DMD: variants seen among roughly 807,000 people sequenced by gnomAD.
The protein encoded by DMD is mutant dystrophin.
Under a neutral mutation model 330.1 loss-of-function variants are expected in DMD, and 63 were observed. That is an observed-to-expected ratio of 0.19 (90% CI 0.16 to 0.24). DMD has a LOEUF of 0.24. Ranked by LOEUF, DMD falls within the 10% of genes least tolerant of loss-of-function variation. The probability of loss-of-function intolerance (pLI) is 1.00; values close to 1 mark genes in which losing one functional copy is unlikely to be tolerated. For missense variants in DMD, 3,344 were observed against 2,684.1 expected (o/e 1.25, Z -5.43); for synonymous variants, 1,223 against 959.8 (o/e 1.27, Z -5.07).
intron 2 of DMD, among the ~76,000 whole-genome samples, chrX:32,918,560 A>G (rs1252720757): frequency 9.0e-6 from 1 of 111,140 alleles, no homozygotes; most frequent in Admixed American, 9.7e-5. Flanking sequence ...CATGTTGTCC[A>G]GGCTGGTCTC....
chrX:32,826,329 G>T (rs2078690154), intron 4 of DMD, among the ~76,000 whole-genome samples: 1 of 111,826 alleles, frequency 8.9e-6, no homozygotes, highest in Admixed American at 9.5e-5. Context: ...GAATTCTACT[G>T]CTGGGTATAT....
At chrX:31,743,907 AGGG>A (rs1406675697) in intron 51 of DMD, among the ~76,000 whole-genome samples, 1 of 108,361 alleles carries the variant, frequency 9.2e-6, no homozygotes, top group Non-Finnish European at 1.9e-5. Context: ...TTCTGGCTGG[AGGG>A]CACTGGAGTG....
At chrX:33,120,982 G>A (rs990188111) in intron 1 of DMD, among the ~76,000 whole-genome samples, 1 of 107,596 alleles carries the variant, frequency 9.3e-6, no homozygotes, top group African/African-American at 3.4e-5. Flanking sequence ...ATTATGTGAA[G>A]ATTAGAAAAC....
chrX:32,984,375 C>T (rs1467524332), intron 2 of DMD, among the ~76,000 whole-genome samples: 2 of 112,317 alleles, frequency 1.8e-5, no homozygotes, highest in African/African-American at 6.5e-5. Context: ...CTGCCTCAGC[C>T]TCCCAAGTAG....
chrX:32,536,283 A>AAC (rs1556769735), intron 17 of DMD, among the ~76,000 whole-genome samples: 21 of 102,911 alleles, frequency 2.0e-4, no homozygotes, highest in African/African-American at 3.5e-4. Flanking sequence ...AAAAAAAAAA[A>AAC]AAAAACACAC....
In DMD at chrX:32,563,549, A is replaced by G. The variant is rs1278388868; in HGVS notation, c.1992+2153T>C. 4.5e-5 allele frequency among the ~76,000 whole-genome samples: 5 copies of G among 111,174 alleles called. No individual in the cohort carries two copies. In the East Asian group the frequency reaches 1.4e-3, roughly 31 times the overall value. On this transcript the variant is annotated intron_variant, in intron 16 of 78. Transcript: ENST00000357033. ...GTTGGACTTTATTTCATAAAGAACC[A>G]TGCAAATCAAAACCAGTATTCTTTT...
chrX:31,829,613 A>G (rs1006810464), intron 49 of DMD, among the ~76,000 whole-genome samples: 22 of 110,432 alleles, frequency 2.0e-4, no homozygotes, highest in African/African-American at 6.6e-4. Context: ...TATTTGATGT[A>G]GAATAAGTAA....
intron 57 of DMD, among the ~76,000 whole-genome samples, chrX:31,489,725 A>G (rs1028992855): frequency 8.0e-5 from 9 of 112,020 alleles, no homozygotes; most frequent in African/African-American, 2.6e-4. Flanking sequence ...AATTTTTCCT[A>G]AAATAATGTT....
At chrX:33,020,247 A>G (rs750456696) in intron 1 of DMD, 47 bp from the exon 2 acceptor site, 9 of 913,387 alleles carry the variant, frequency 9.9e-6, no homozygotes, top group Non-Finnish European at 1.4e-5. Flanking sequence ...AACTTTAAAT[A>G]TAATTCATAT....
intron 60 of DMD, among the ~76,000 whole-genome samples, chrX:31,434,409 A>AGC (rs1235059344): frequency 0.01 from 616 of 61,233 alleles, 11 homozygotes; most frequent in East Asian, 0.021. Flanking sequence ...CCCTTACTGC[A>AGC]GCGCGCGCGC....
chrX:32,348,786 T>A (rs72468628), intron 37 of DMD, among the ~76,000 whole-genome samples: 1 of 111,419 alleles, frequency 9.0e-6, no homozygotes, highest in Non-Finnish European at 1.9e-5. Flanking sequence ...TCAACAACAG[T>A]CAATTTACAG....
At chrX:32,895,108 C>G (rs897203552) in intron 2 of DMD, among the ~76,000 whole-genome samples, 4 of 111,650 alleles carry the variant, frequency 3.6e-5, no homozygotes, top group African/African-American at 1.3e-4. Flanking sequence ...CACGGGCCAC[C>G]GGATCAGAGC....
At chrX:32,837,861 G>A (rs2079794068) in intron 4 of DMD, among the ~76,000 whole-genome samples, 1 of 111,915 alleles carries the variant, frequency 8.9e-6, no homozygotes, top group Non-Finnish European at 1.9e-5. Flanking sequence ...TTTTCTGAAT[G>A]CCTTGTTGAG....
intron 29 of DMD, among the ~76,000 whole-genome samples, chrX:32,431,554 C>T (rs1211535694): frequency 2.7e-5 from 3 of 111,055 alleles, no homozygotes; most frequent in Middle Eastern, 4.3e-3. Context: ...ACATCTTCCA[C>T]CTCCTTAGTT....
In DMD at chrX:31,517,918, AACACACACACACACACACACACAC is replaced by A. The variant is rs372551324; in HGVS notation, c.8218-10489_8218-10466del. 5.6e-5 allele frequency among the ~76,000 whole-genome samples: 5 copies of A among 89,642 alleles called. No individual in the cohort carries two copies. The South Asian group carries it at 3.2e-3, about 58-fold the overall frequency. The allele number at this position is 89,642 out of a possible 115,157, so 77.8% of individuals were successfully genotyped here. On this transcript the variant is annotated intron_variant, in intron 55 of 78. Coordinates refer to ENST00000357033, the MANE Select transcript of DMD (RefSeq NM_004006.3). ...AAAAAAATACATATGCTGTGTTTCA[AACACACACACACACACACACACAC>A]ACACACACACACACACACACACCTT...
At chrX:31,407,927 G>C (rs2061476533) in intron 60 of DMD, among the ~76,000 whole-genome samples, 1 of 111,455 alleles carries the variant, frequency 9.0e-6, no homozygotes, top group South Asian at 3.7e-4. Context: ...CATTTAACCA[G>C]AAGACAGACC....
At chrX:33,257,076 G>A (rs1036265005) in intron 1 of DMD, among the ~76,000 whole-genome samples, 1 of 110,275 alleles carries the variant, frequency 9.1e-6, no homozygotes, top group Admixed American at 9.7e-5. Flanking sequence ...CTTTTGGTGT[G>A]ATCAAGGGGT....
chrX:32,211,611 C>T (rs911700984), intron 44 of DMD, among the ~76,000 whole-genome samples: 7 of 111,570 alleles, frequency 6.3e-5, no homozygotes, highest in African/African-American at 2.0e-4. Context: ...GTGTTTCGCT[C>T]CCCATGTCTG....
At chrX:33,265,715 A>T (rs947717369) in intron 1 of DMD, among the ~76,000 whole-genome samples, 2 of 111,382 alleles carry the variant, frequency 1.8e-5, no homozygotes, top group African/African-American at 3.2e-5. Flanking sequence ...TTTTTATATC[A>T]TACGTTCCAG....
Sources: allele counts gnomAD v4.1 joint callset (sites outside exome capture counted in the v4.1 genomes callset), GRCh38; gene constraint gnomAD v4.1.1; transcripts MANE v1.5; gene names NCBI Gene and HGNC (gene_info 2026-07-23, HGNC 2026-07-21).